Variants in TNFSF10 observed in about 807,000 individuals in gnomAD.
TNFSF10 encodes the protein tumor necrosis factor ligand superfamily member 10.
In TNFSF10, 13 loss-of-function variants were observed where a neutral mutation model predicts 29.5. The ratio of observed to expected loss-of-function variants is 0.44; its 90% CI spans 0.29 to 0.70. TNFSF10 has a LOEUF of 0.70. Among genes scored for constraint, TNFSF10 ranks in the 30% least tolerant of loss-of-function variants. TNFSF10 has a pLI of 0.13. For synonymous variants in TNFSF10, 111 were observed against 112.8 expected, an observed-to-expected ratio of 0.98 and a Z score of 0.10; for missense variants, 345 against 330.9, an observed-to-expected ratio of 1.04 and a Z score of -0.33.
chr3:172,523,422 C>T lies in TNFSF10; in HGVS notation c.-38G>A. On this transcript the variant is annotated 5_prime_UTR_variant, in exon 1 of 5. Transcript: ENST00000241261. ...GTCTGACTGCTGTAAGTCAGCCAGG[C>T]AGCCGGTCACTGAAGCCCTTCCTTC... is the stretch of plus-strand genomic sequence containing the variant. The T allele has an allele frequency of 6.3e-7, 1 of 1,592,256 alleles. No individual in the cohort carries two copies. Among genetic ancestry groups the T allele is most frequent in the Non-Finnish European group, 8.6e-7 (1 of 1,164,428 alleles).
At chr3:172,522,191 C>T in intron 1 of TNFSF10, 1 of 389,782 alleles carries the variant, frequency 2.6e-6, no homozygotes, top group Non-Finnish European at 4.9e-6. Flanking sequence ...ACACGTATCC[C>T]AGAACTTAAA....
chr3:172,509,269 T>G lies in TNFSF10; in HGVS notation c.366A>C (p.Val122=). 6 of 1,614,024 alleles carry G rather than the reference T, an allele frequency of 3.7e-6. No individual in the cohort carries two copies. The South Asian group carries it at 6.6e-5, about 18-fold the overall frequency. ...CTCTGGTCCCAGTTATGTGAGCTGC[T>G]ACTCTCTGAGGACCTCTTTCTCTCA... ...PLVRERGPQR[V]AAHITGTRGR... The change falls in exon 4 of 5, where the codon GTA becomes GTC. Residue 122 remains valine, a synonymous_variant. Transcript: ENST00000241261.
chr3:172,514,585 T>C (rs1237588736), intron 2 of TNFSF10, among the ~76,000 whole-genome samples: 1 of 152,186 alleles, frequency 6.6e-6, no homozygotes. Flanking sequence ...TCAGTTTCCA[T>C]AATGTGAGAT....
intron 4 of TNFSF10, chr3:172,507,389 G>A (rs763574154): frequency 5.9e-5 from 9 of 153,194 alleles, no homozygotes; most frequent in Admixed American, 1.3e-4. Context: ...GACTCTTTGG[G>A]TCCCCCCTTG....
At chr3:172,507,178 C>A in intron 4 of TNFSF10, 1 of 453,786 alleles carries the variant, frequency 2.2e-6, no homozygotes, top group Non-Finnish European at 3.9e-6. Flanking sequence ...GCTGCTTATG[C>A]CACATGTGTC....
intron 1 of TNFSF10, chr3:172,518,327 G>A (rs1713527425): frequency 8.0e-7 from 1 of 1,243,360 alleles, no homozygotes; most frequent in Admixed American, 2.6e-5. Context: ...CAAACACGGT[G>A]GTTGTCTAGG....
intron 1 of TNFSF10, among the ~76,000 whole-genome samples, chr3:172,516,401 A>G (rs1375743875): frequency 5.3e-5 from 8 of 152,350 alleles, no homozygotes; most frequent in Non-Finnish European, 8.8e-5. Flanking sequence ...ACTCCTTCCT[A>G]TAGAAAGACA....
Position 172,506,818 on chromosome 3 carries a change from G to T in TNFSF10, c.520C>A (p.Leu174Met), listed in dbSNP as rs746729726. 2.0e-5 allele frequency: 32 copies of T among 1,614,062 alleles called. No homozygotes were observed. Among genetic ancestry groups the T allele is most frequent in the Non-Finnish European group, 2.6e-5 (31 of 1,180,032 alleles). ...TAAAACCCTTTTTCATGGATGACCA[G>T]TTCACCATTCCTCAAGTGCAAGTTG... ...LSNLHLRNGE[L>M]VIHEKGFYYI... Residue 174 changes from leucine to methionine, a missense_variant, in exon 5 of 5, where the codon CTG becomes ATG. By Grantham distance (15) the Leu-to-Met change is conservative. Coordinates refer to ENST00000241261, the MANE Select transcript of TNFSF10 (RefSeq NM_003810.4).
At chr3:172,512,540 C>T (rs1713267392) in intron 2 of TNFSF10, among the ~76,000 whole-genome samples, 1 of 152,316 alleles carries the variant, frequency 6.6e-6, no homozygotes, top group African/African-American at 2.4e-5. Context: ...CTCCCTCCAC[C>T]GCAAGCCCTG....
intron 1 of TNFSF10, chr3:172,518,509 G>A (rs537381464): frequency 8.9e-5 from 113 of 1,271,232 alleles, no homozygotes; most frequent in Non-Finnish European, 1.2e-4. Flanking sequence ...CCGTGGAGAG[G>A]AAGCCCTTCT....
intron 1 of TNFSF10, among the ~76,000 whole-genome samples, chr3:172,521,705 A>C (rs768405289): frequency 5.9e-4 from 90 of 152,252 alleles, no homozygotes; most frequent in Non-Finnish European, 1.0e-3. Flanking sequence ...TATATACCCA[A>C]AGGATTATAA....
At chr3:172,507,837 A>G (rs1713048894) in intron 4 of TNFSF10, among the ~76,000 whole-genome samples, 1 of 152,218 alleles carries the variant, frequency 6.6e-6, no homozygotes, top group Non-Finnish European at 1.5e-5. Flanking sequence ...TTTTAGACAA[A>G]TTTACGGGAT....
chr3:172,511,073 G>A (rs1023199473), intron 3 of TNFSF10, among the ~76,000 whole-genome samples: 22 of 152,270 alleles, frequency 1.4e-4, no homozygotes, highest in African/African-American at 5.3e-4. Context: ...GTAGTGCACA[G>A]AGAGGTGGGT....
rs1713740884 is a variant in TNFSF10 at position 172,522,464 on chromosome 3, G to C, written c.132+789C>G. ...AAATTTTATCATTCACCACTTAATT[G>C]GTTAGAATCTCTTACTGTGCACCTT... On this transcript the variant is annotated intron_variant, in intron 1 of 4. Transcript: ENST00000241261. The C allele has an allele frequency of 2.2e-6, 3 of 1,371,474 alleles. No individual in the cohort carries two copies. In the South Asian group the frequency reaches 3.5e-5, roughly 16 times the overall value. 85.0% of individuals were successfully genotyped at this position (1,371,474 alleles called of 1,614,324 possible).
At chr3:172,511,750 A>G (rs927410105) in intron 2 of TNFSF10, 91 bp from the exon 3 acceptor site, 5 of 1,147,702 alleles carry the variant, frequency 4.4e-6, no homozygotes, top group Non-Finnish European at 6.3e-6. Flanking sequence ...GATGTCTAAC[A>G]GGAAATTTCT....
At chr3:172,518,262 G>GA (rs1713524723) in intron 1 of TNFSF10, 17 of 1,155,320 alleles carry the variant, frequency 1.5e-5, no homozygotes, top group Non-Finnish European at 1.8e-5. Context: ...TTCAGCTCCA[G>GA]AAGCCCTTGG....
At chr3:172,513,052 A>G (rs573979770) in intron 2 of TNFSF10, among the ~76,000 whole-genome samples, 28 of 152,352 alleles carry the variant, frequency 1.8e-4, no homozygotes, top group African/African-American at 6.5e-4. Context: ...GAAAAGAAAA[A>G]GAGAATTATT....
chr3:172,510,058 T>C (rs964421723), intron 3 of TNFSF10, among the ~76,000 whole-genome samples: 3 of 151,908 alleles, frequency 2.0e-5, no homozygotes, highest in Non-Finnish European at 4.4e-5. Context: ...GTGCTTACAT[T>C]GGTTGTAAGT....
At chr3:172,521,109 A>C (rs1318718460) in intron 1 of TNFSF10, among the ~76,000 whole-genome samples, 1 of 152,194 alleles carries the variant, frequency 6.6e-6, no homozygotes, top group Non-Finnish European at 1.5e-5. Context: ...CCCAGAAGAA[A>C]ACCTAGGCAT....
Sources: allele counts gnomAD v4.1 joint callset (sites outside exome capture counted in the v4.1 genomes callset), GRCh38; gene constraint gnomAD v4.1.1; transcripts MANE v1.5; gene names NCBI Gene and HGNC (gene_info 2026-07-23, HGNC 2026-07-21).